Variants in NPSR1 observed in about 807,000 individuals in gnomAD.
NPSR1 encodes the protein neuropeptide S receptor 1.
In NPSR1, 48 loss-of-function variants were observed where a neutral mutation model predicts 46.9. The ratio of observed to expected loss-of-function variants is 1.02; its 90% confidence interval spans 0.81 to 1.30. The LOEUF is 1.30. Among genes scored for constraint, NPSR1 ranks in the 50% most tolerant of loss-of-function variants. The pLI is 0.00. For missense variants in NPSR1, 450 were observed against 449.5 expected, an observed-to-expected ratio of 1.00 and a Z score of -0.01; for synonymous variants, 176 against 168.1, an observed-to-expected ratio of 1.05 and a Z score of -0.36.
chr7:34,719,476 A>G (rs1354292532), intron 2 of NPSR1: 2 of 152,202 alleles, frequency 1.3e-5, no homozygotes, highest in Admixed American at 6.5e-5. Flanking sequence ...CAGGTGACCT[A>G]GAAAAGATCT....
intron 2 of NPSR1, chr7:34,719,762 C>T (rs1050151919): frequency 5.3e-5 from 8 of 152,176 alleles, no homozygotes; most frequent in African/African-American, 1.4e-4. Context: ...GTTCGAGACT[C>T]TGTCTGGCTA....
intron 4 of NPSR1, among the ~76,000 whole-genome samples, chr7:34,812,263 G>C (rs958771903): frequency 1.3e-5 from 2 of 152,010 alleles, no homozygotes; most frequent in Non-Finnish European, 2.9e-5. Context: ...CAAACACCTT[G>C]TTCTCCTTAT....
At chr7:34,725,564 C>A (rs1172419944) in intron 2 of NPSR1, among the ~76,000 whole-genome samples, 2 of 152,336 alleles carry the variant, frequency 1.3e-5, no homozygotes, top group East Asian at 3.9e-4. Flanking sequence ...ACACAGCCCT[C>A]ATACAGAACT....
intron 3 of NPSR1, among the ~76,000 whole-genome samples, chr7:34,804,280 AT>A (rs1297497228): frequency 1.3e-5 from 2 of 152,118 alleles, no homozygotes; most frequent in African/African-American, 2.4e-5. Flanking sequence ...AGCAACTTAA[AT>A]TTTTGTTTAA....
chr7:34,683,422 G>C (rs1432943754), intron 1 of NPSR1, among the ~76,000 whole-genome samples: 1 of 149,522 alleles, frequency 6.7e-6, no homozygotes, highest in Admixed American at 6.6e-5. Flanking sequence ...ACTCCAGCCT[G>C]GGTGACAGAG....
At chr7:34,809,440 G>C (rs1030788530) in intron 3 of NPSR1, among the ~76,000 whole-genome samples, 2 of 148,668 alleles carry the variant, frequency 1.3e-5, no homozygotes, top group Non-Finnish European at 3.0e-5. Flanking sequence ...TTGTTGTACA[G>C]ATTATTTAAT....
chr7:34,719,549 C>T (rs181505638), intron 2 of NPSR1: 42 of 152,318 alleles, frequency 2.8e-4, no homozygotes, highest in Admixed American at 2.5e-3. Flanking sequence ...TCTCTATGCA[C>T]TGCTAAGACA....
At chr7:34,792,715 T>TTATATATATATATATATATATATTTA in intron 3 of NPSR1, among the ~76,000 whole-genome samples, 1 of 98,920 alleles carries the variant, frequency 1.0e-5, no homozygotes, top group African/African-American at 3.9e-5. Context: ...ATATATATAT[T>TTATATATATATATATATATATATTTA]TATATATATA....
At chr7:34,789,017 C>T (rs75340445) in intron 3 of NPSR1, among the ~76,000 whole-genome samples, 5,517 of 151,458 alleles carry the variant, frequency 0.036, 324 homozygotes, top group African/African-American at 0.13. Flanking sequence ...ATGTTACAAA[C>T]GTGAAAATTA....
chr7:34,754,961 T>A (rs57149081), intron 2 of NPSR1, among the ~76,000 whole-genome samples: 21,910 of 146,382 alleles, frequency 0.15, 2,073 homozygotes, highest in East Asian at 0.34. Context: ...GTATCCATAT[T>A]TCATTTTTTA....
chr7:34,719,753 T>C (rs1783754343), intron 2 of NPSR1: 1 of 152,182 alleles, frequency 6.6e-6, no homozygotes, highest in Non-Finnish European at 1.5e-5. Context: ...GGACTTCCAG[T>C]TCGAGACTCT....
Position 34,864,994 on chromosome 7 carries a change from T to G in NPSR1, c.1026-13082T>G, listed in dbSNP as rs1266092673. Among the ~76,000 whole-genome samples the G allele has an allele frequency of 2.0e-5, 3 of 151,816 alleles. 1 individual carries two copies. Among genetic ancestry groups the G allele is most frequent in the African/African-American group, 7.3e-5 (3 of 41,062 alleles). ...GCCAATGGAACGTGGAAAAAAATTCTGCGCACCCTCCTAATATGGTCCATA... is the reference window on the plus strand; with the variant it reads ...GCCAATGGAACGTGGAAAAAAATTCGGCGCACCCTCCTAATATGGTCCATA... On this transcript the variant is annotated intron_variant, in intron 8 of 8. Transcript: ENST00000359791.
intron 4 of NPSR1, among the ~76,000 whole-genome samples, chr7:34,821,481 G>T (rs1044511559): frequency 2.6e-5 from 4 of 152,064 alleles, no homozygotes; most frequent in African/African-American, 4.8e-5. Context: ...TTTAGAAAGG[G>T]TTGAATGTGG....
At chr7:34,805,429 C>G (rs567770076) in intron 3 of NPSR1, among the ~76,000 whole-genome samples, 1 of 131,510 alleles carries the variant, frequency 7.6e-6, no homozygotes, top group Non-Finnish European at 1.6e-5. Context: ...GAGAGATAGC[C>G]TTTTCAAGAA....
intron 4 of NPSR1, among the ~76,000 whole-genome samples, chr7:34,821,761 G>A (rs1452231492): frequency 6.6e-6 from 1 of 152,122 alleles, no homozygotes; most frequent in Non-Finnish European, 1.5e-5. Context: ...CAGAAAGGCA[G>A]CAATTAATAT....
chr7:34,704,994 T>TG (rs1794028374), intron 2 of NPSR1, among the ~76,000 whole-genome samples: 1 of 152,220 alleles, frequency 6.6e-6, no homozygotes, highest in Non-Finnish European at 1.5e-5. Context: ...TGTCTATATG[T>TG]TCAGTCTCTC....
intron 3 of NPSR1, among the ~76,000 whole-genome samples, chr7:34,802,554 C>T (rs546264251): frequency 1.3e-5 from 2 of 149,672 alleles, no homozygotes; most frequent in South Asian, 2.1e-4. Flanking sequence ...ACACCTCATA[C>T]AAAAATCAAT....
intron 3 of NPSR1, among the ~76,000 whole-genome samples, chr7:34,783,368 T>TTATA (rs1240898378): frequency 6.6e-6 from 1 of 152,006 alleles, no homozygotes; most frequent in East Asian, 1.9e-4. Context: ...GGGAAGCCCC[T>TTATA]TATAAAACCA....
intron 1 of NPSR1, among the ~76,000 whole-genome samples, chr7:34,677,150 C>T (rs1792360145): frequency 6.6e-6 from 1 of 152,130 alleles, no homozygotes; most frequent in Non-Finnish European, 1.5e-5. Context: ...ATCTGAGCCC[C>T]GGGACTACTT....
Sources: allele counts gnomAD v4.1 joint callset (sites outside exome capture counted in the v4.1 genomes callset), GRCh38; gene constraint gnomAD v4.1.1; transcripts MANE v1.5; gene names NCBI Gene and HGNC (gene_info 2026-07-23, HGNC 2026-07-21).